Variants in SESTD1 observed in about 807,000 individuals in gnomAD.
SESTD1 encodes the protein SEC14 domain and spectrin repeat-containing protein 1.
In SESTD1, 43 loss-of-function variants were observed where a neutral mutation model predicts 101.7. That is an observed-to-expected ratio of 0.42 (90% CI 0.33 to 0.55). The LOEUF (loss-of-function observed/expected upper bound fraction) is 0.55, where lower values mean the gene tolerates loss of function less well. SESTD1 is among the 20% of genes least tolerant of loss of function. The pLI, the probability that SESTD1 is intolerant of heterozygous loss-of-function variation, is 0.07. For synonymous variants in SESTD1, 283 were observed against 286.8 expected (o/e 0.99, Z 0.13); for missense variants, 647 against 815.1 (o/e 0.79, Z 2.51).
rs1187348526 is a variant in SESTD1 at position 179,147,730 on chromosome 2, T to A, written c.582-1273A>T. ...TGCACTGCTTCTTCAGAACCTTTAA[T>A]CTGCAATATTCACAGTCATTCTCAA... On this transcript the variant is annotated intron_variant, in intron 7 of 17. Transcript: ENST00000428443. Among the ~76,000 whole-genome samples, 9 of 152,326 alleles carry A rather than the reference T, an allele frequency of 5.9e-5. No homozygotes were observed. The East Asian group carries it at 9.6e-4, about 16-fold the overall frequency.
intron 1 of SESTD1, among the ~76,000 whole-genome samples, chr2:179,248,229 T>C (rs1277536796): frequency 1.3e-5 from 2 of 152,050 alleles, no homozygotes; most frequent in East Asian, 3.9e-4. Flanking sequence ...TAATATAAAA[T>C]AGATAATTTG....
chr2:179,175,347 C>A (rs2045992991), intron 4 of SESTD1, among the ~76,000 whole-genome samples: 2 of 152,058 alleles, frequency 1.3e-5, no homozygotes, highest in Non-Finnish European at 2.9e-5. Flanking sequence ...CGTTAAAAAC[C>A]ATTCTCCTTA....
chr2:179,104,349 GATAAC>G lies in SESTD1; in HGVS notation c.*5545_*5549del, dbSNP rs1208844445. The G allele has an allele frequency of 3.3e-5, 5 of 152,168 alleles. No homozygotes were observed. The highest frequency in any genetic ancestry group is 1.2e-4 in the African/African-American group (5 of 41,532). 9.4% of individuals were successfully genotyped at this position (152,168 alleles called of 1,614,324 possible). A position where few individuals can be genotyped will look rare whatever the true frequency, so the allele number is the denominator to read the frequency against. On this transcript the variant is annotated 3_prime_UTR_variant, in exon 18 of 18. Transcript: ENST00000428443. ...TCTGAGCAAATCTGTTGGCCATAAA[GATAAC>G]ATAAGAGTTAAGATGAGAAAACATT...
intron 10 of SESTD1, among the ~76,000 whole-genome samples, chr2:179,129,159 A>C (rs1251479263): frequency 6.6e-6 from 1 of 152,210 alleles, no homozygotes; most frequent in East Asian, 1.9e-4. Flanking sequence ...TGCATAATGC[A>C]CCAGAGAAAG....
At chr2:179,147,574 A>G (rs1032236892) in intron 7 of SESTD1, among the ~76,000 whole-genome samples, 1 of 152,032 alleles carries the variant, frequency 6.6e-6, no homozygotes, top group African/African-American at 2.4e-5. Flanking sequence ...GTTGGCCAGG[A>G]TGGTCTTGAT....
intron 9 of SESTD1, among the ~76,000 whole-genome samples, chr2:179,141,995 C>CTCCT (rs1323978380): frequency 6.6e-6 from 1 of 152,166 alleles, no homozygotes; most frequent in African/African-American, 2.4e-5. Flanking sequence ...CATGATCCAA[C>CTCCT]TCCTTCCTTC....
intron 1 of SESTD1, among the ~76,000 whole-genome samples, chr2:179,228,344 G>A (rs116766694): frequency 1.4e-3 from 220 of 152,308 alleles, no homozygotes; most frequent in African/African-American, 5.0e-3. Flanking sequence ...ATTTTGGGGA[G>A]TTATATATCT....
intron 1 of SESTD1, among the ~76,000 whole-genome samples, chr2:179,197,518 A>G (rs921431540): frequency 3.9e-5 from 6 of 152,240 alleles, no homozygotes; most frequent in African/African-American, 1.4e-4. Flanking sequence ...CAGATTCACC[A>G]AAGTTGAAAT....
At chr2:179,199,564 C>T (rs1414837321) in intron 1 of SESTD1, among the ~76,000 whole-genome samples, 1 of 152,120 alleles carries the variant, frequency 6.6e-6, no homozygotes, top group Admixed American at 6.5e-5. Context: ...CAATAAAATA[C>T]TGGCAAACTG....
chr2:179,127,589 G>T (rs1005921409), intron 10 of SESTD1, among the ~76,000 whole-genome samples: 1 of 152,214 alleles, frequency 6.6e-6, no homozygotes, highest in African/African-American at 2.4e-5. Context: ...GAGGAATGGG[G>T]ATGCCACTGC....
chr2:179,155,300 T>C (rs1559118187), intron 5 of SESTD1, among the ~76,000 whole-genome samples: 1 of 152,086 alleles, frequency 6.6e-6, no homozygotes, highest in African/African-American at 2.4e-5. Context: ...AACTTTTCCT[T>C]TCTCCAAAAA....
At chr2:179,146,145 C>T (rs374786651) in intron 8 of SESTD1, among the ~76,000 whole-genome samples, 141 of 151,956 alleles carry the variant, frequency 9.3e-4, no homozygotes, top group African/African-American at 3.3e-3. Flanking sequence ...ACTATGCACG[C>T]GAGGGATCCA....
At chr2:179,253,311 G>C (rs2047345549) in intron 1 of SESTD1, among the ~76,000 whole-genome samples, 1 of 152,048 alleles carries the variant, frequency 6.6e-6, no homozygotes, top group Admixed American at 6.6e-5. Context: ...TTGTTTTCTA[G>C]ATGGTTCCTG....
intron 14 of SESTD1, 105 bp from the exon 15 acceptor site, chr2:179,116,895 T>C: frequency 7.1e-7 from 1 of 1,416,898 alleles, no homozygotes; most frequent in South Asian, 1.4e-5. Flanking sequence ...ATAAATCCGT[T>C]AATTATAACC....
rs2047045931 is a variant in SESTD1 at position 179,234,979 on chromosome 2, C to CAAAG, written c.-26+29516_-26+29519dup. Among the ~76,000 whole-genome samples, 19 of 149,178 alleles carry CAAAG rather than the reference C, an allele frequency of 1.3e-4. 2 individuals carry two copies. In the South Asian group the frequency reaches 3.6e-3, roughly 29 times the overall value. ...AAAAAAAAAGTCATATTATGAAACA[C>CAAAG]AAAGGAAGACTGAGGAAGTGTTCTG... On this transcript the variant is annotated intron_variant, in intron 1 of 17. Coordinates refer to ENST00000428443, the MANE Select transcript of SESTD1 (RefSeq NM_178123.5).
At chr2:179,196,139 C>T (rs572307979) in intron 1 of SESTD1, among the ~76,000 whole-genome samples, 5 of 152,298 alleles carry the variant, frequency 3.3e-5, no homozygotes, top group South Asian at 4.1e-4. Context: ...CATTGCCTCA[C>T]GCAGGAAGCG....
intron 1 of SESTD1, among the ~76,000 whole-genome samples, chr2:179,221,798 T>C (rs986020531): frequency 1.3e-5 from 2 of 151,716 alleles, no homozygotes; most frequent in African/African-American, 4.8e-5. Context: ...TGCACCTGTG[T>C]GGTCCCAGCT....
chr2:179,197,673 G>T (rs987006769), intron 1 of SESTD1, among the ~76,000 whole-genome samples: 2 of 152,090 alleles, frequency 1.3e-5, no homozygotes, highest in African/African-American at 2.4e-5. Flanking sequence ...TTAAAGAAAA[G>T]AATTTTCAAC....
chr2:179,173,963 A>C lies in SESTD1; in HGVS notation c.256-1730T>G, dbSNP rs145274011. ...GGAAAAATGGAAAACCTTTGGAGGTAAACATGCACACATCATAAATCTAGC... is the reference window on the plus strand; with the variant it reads ...GGAAAAATGGAAAACCTTTGGAGGTCAACATGCACACATCATAAATCTAGC... On this transcript the variant is annotated intron_variant, in intron 4 of 17. Coordinates refer to ENST00000428443, the MANE Select transcript of SESTD1 (RefSeq NM_178123.5). 4.4e-3 allele frequency among the ~76,000 whole-genome samples: 667 copies of C among 152,296 alleles called. 3 individuals carry two copies. Among genetic ancestry groups the C allele is most frequent in the African/African-American group, 0.015 (620 of 41,556 alleles).
Sources: allele counts gnomAD v4.1 joint callset (sites outside exome capture counted in the v4.1 genomes callset), GRCh38; gene constraint gnomAD v4.1.1; transcripts MANE v1.5; gene names NCBI Gene and HGNC (gene_info 2026-07-23, HGNC 2026-07-21).